Variants in MDGA2 observed in about 807,000 individuals in gnomAD.
MDGA2 encodes MAM domain-containing glycosylphosphatidylinositol anchor protein 2.
MDGA2 carries 40 observed loss-of-function variants against 117.8 expected under a neutral mutation model. The ratio of observed to expected loss-of-function variants is 0.34; its 90% CI spans 0.26 to 0.44. The LOEUF (loss-of-function observed/expected upper bound fraction) is 0.44, where lower values mean the gene tolerates loss of function less well. MDGA2 is among the 20% of genes least tolerant of loss of function. MDGA2 has a pLI of 1.00. For synonymous variants in MDGA2, 452 were observed against 439.0 expected (o/e 1.03, Z -0.37); for missense variants, 1,123 against 1,250.6 (o/e 0.90, Z 1.54).
chr14:47,639,002 C>T (rs967147061), intron 1 of MDGA2, among the ~76,000 whole-genome samples: 2 of 152,124 alleles, frequency 1.3e-5, no homozygotes, highest in Non-Finnish European at 2.9e-5. Context: ...CATTTCCTCA[C>T]CCTGCAATAC....
intron 1 of MDGA2, among the ~76,000 whole-genome samples, chr14:47,613,001 G>A (rs990145249): frequency 6.6e-6 from 1 of 151,972 alleles, no homozygotes; most frequent in African/African-American, 2.4e-5. Flanking sequence ...CCCTTATTGC[G>A]GGTATTGAAA....
intron 1 of MDGA2, among the ~76,000 whole-genome samples, chr14:47,311,058 C>G (rs1454796709): frequency 2.6e-5 from 4 of 152,188 alleles, no homozygotes; most frequent in Admixed American, 2.6e-4. Flanking sequence ...TATAAATTAT[C>G]ACAGCACCTT....
chr14:47,486,760 TC>T (rs1894070006), intron 1 of MDGA2, among the ~76,000 whole-genome samples: 1 of 152,136 alleles, frequency 6.6e-6, no homozygotes, highest in South Asian at 2.1e-4. Context: ...CAAGCTTTCT[TC>T]CTTTGCTTGC....
chr14:46,915,223 T>C (rs1263738740), intron 10 of MDGA2, among the ~76,000 whole-genome samples: 2 of 152,158 alleles, frequency 1.3e-5, no homozygotes, highest in East Asian at 3.9e-4. Context: ...TTTTAAAAGT[T>C]AGTATCTGAT....
Position 47,501,473 on chromosome 14 carries a change from T to C in MDGA2, c.280+173044A>G, listed in dbSNP as rs143238221. 5.7e-4 allele frequency among the ~76,000 whole-genome samples: 87 copies of C among 152,258 alleles called. 1 individual carries two copies. Among genetic ancestry groups the C allele is most frequent in the African/African-American group, 1.9e-3 (81 of 41,562 alleles). On this transcript the variant is annotated intron_variant, in intron 1 of 16. Transcript: ENST00000399232. ...GGATTTTGTAAATAATGGTGTTAGA[T>C]AGATTAATGTTTATTATGAGTTGAA...
intron 10 of MDGA2, among the ~76,000 whole-genome samples, chr14:46,914,578 T>C (rs1284797169): frequency 6.6e-6 from 1 of 152,070 alleles, no homozygotes; most frequent in Non-Finnish European, 1.5e-5. Context: ...CTGGGTTCAA[T>C]TTATCAACCC....
chr14:47,383,183 A>T (rs1449705457), intron 1 of MDGA2, among the ~76,000 whole-genome samples: 1 of 152,210 alleles, frequency 6.6e-6, no homozygotes, highest in African/African-American at 2.4e-5. Flanking sequence ...GATGGGGATT[A>T]TCACACACCG....
chr14:46,999,298 C>CT (rs1016410581), intron 8 of MDGA2, among the ~76,000 whole-genome samples: 2 of 151,412 alleles, frequency 1.3e-5, no homozygotes, highest in African/African-American at 2.4e-5. Context: ...AAAAAAAAAT[C>CT]TTTTTTTCCA....
intron 10 of MDGA2, among the ~76,000 whole-genome samples, chr14:46,907,859 G>T (rs535842844): frequency 6.6e-6 from 1 of 152,204 alleles, no homozygotes; most frequent in African/African-American, 2.4e-5. Context: ...AAATAAAAAG[G>T]AAAGTTTCAC....
chr14:47,042,660 G>T (rs960900166), intron 7 of MDGA2, among the ~76,000 whole-genome samples: 23 of 152,064 alleles, frequency 1.5e-4, no homozygotes, highest in Admixed American at 1.4e-3. Context: ...TAGAAGCAAA[G>T]AACTAAATAA....
intron 7 of MDGA2, among the ~76,000 whole-genome samples, chr14:47,054,121 C>G (rs1337466801): frequency 6.6e-6 from 1 of 151,898 alleles, no homozygotes; most frequent in Non-Finnish European, 1.5e-5. Flanking sequence ...TTATCTGATT[C>G]CTATCTATCT....
intron 1 of MDGA2, among the ~76,000 whole-genome samples, chr14:47,478,488 AC>A (rs778538950): frequency 3.3e-5 from 5 of 152,026 alleles, no homozygotes; most frequent in Non-Finnish European, 7.4e-5. Flanking sequence ...TGATCCTCCC[AC>A]CTCAGCCTCC....
intron 6 of MDGA2, among the ~76,000 whole-genome samples, chr14:47,068,130 T>C (rs533636981): frequency 5.9e-5 from 9 of 152,246 alleles, no homozygotes; most frequent in Non-Finnish European, 1.0e-4. Context: ...ATTTTGTGAA[T>C]TTACTCAAAG....
chr14:47,168,507 C>T (rs1382057451), intron 3 of MDGA2, among the ~76,000 whole-genome samples: 2 of 151,756 alleles, frequency 1.3e-5, no homozygotes, highest in African/African-American at 2.4e-5. Context: ...TTCTTTTGCT[C>T]GAGTTCTTTT....
intron 1 of MDGA2, among the ~76,000 whole-genome samples, chr14:47,395,736 T>C (rs1417731519): frequency 1.3e-5 from 2 of 152,136 alleles, no homozygotes; most frequent in Non-Finnish European, 2.9e-5. Flanking sequence ...AGTAGGTTTT[T>C]CTTAATAAAG....
chr14:47,456,784 AAGTT>A (rs1322262098), intron 1 of MDGA2, among the ~76,000 whole-genome samples: 1 of 152,162 alleles, frequency 6.6e-6, no homozygotes, highest in Non-Finnish European at 1.5e-5. Context: ...TCTTTTCTCA[AAGTT>A]GCTGATATAG....
At chr14:47,084,098 C>A (rs1285069979) in intron 6 of MDGA2, among the ~76,000 whole-genome samples, 1 of 152,110 alleles carries the variant, frequency 6.6e-6, no homozygotes, top group Non-Finnish European at 1.5e-5. Context: ...ATTATCCCAA[C>A]AACAGAAGAA....
chr14:46,858,811 T>C (rs1198958827), intron 14 of MDGA2, among the ~76,000 whole-genome samples: 2 of 152,202 alleles, frequency 1.3e-5, no homozygotes, highest in Non-Finnish European at 2.9e-5. Context: ...ATGTTAACTT[T>C]TTATGGCTAT....
chr14:47,014,629 G>T (rs1316585839), intron 8 of MDGA2, among the ~76,000 whole-genome samples: 1 of 152,128 alleles, frequency 6.6e-6, no homozygotes, highest in East Asian at 1.9e-4. Context: ...ACCAACATGT[G>T]TTAGCTTCAA....
Sources: gnomAD v4.1 joint callset for allele counts (sites outside exome capture counted in the v4.1 genomes callset) on GRCh38, gnomAD v4.1.1 for gene constraint, MANE v1.5 for transcripts, NCBI Gene and HGNC (gene_info 2026-07-23, HGNC 2026-07-21) for gene names.